The following CLASP1 variants were observed in gnomAD, a reference collection of about 807,000 sequenced individuals.
The protein encoded by CLASP1 is cytoplasmic linker associated protein 1.
Under a neutral mutation model 192.3 loss-of-function variants are expected in CLASP1, and 38 were observed. That is an observed-to-expected ratio of 0.20 (90% CI 0.15 to 0.26). The LOEUF (loss-of-function observed/expected upper bound fraction) is 0.26. Ranked by LOEUF, CLASP1 falls within the 10% of genes least tolerant of loss-of-function variation. CLASP1 has a pLI of 1.00. For synonymous variants in CLASP1, 691 were observed against 712.8 expected (o/e 0.97, Z 0.49); for missense variants, 1,433 against 1,932.5 (o/e 0.74, Z 4.85).
At chr2:121,453,823 C>T (rs980891579) in intron 14 of CLASP1, among the ~76,000 whole-genome samples, 2 of 152,180 alleles carry the variant, frequency 1.3e-5, no homozygotes, top group African/African-American at 2.4e-5. Context: ...ACCAATTCTA[C>T]GAAGCGAAGC....
At chr2:121,367,871 T>A (rs747654599) in intron 34 of CLASP1, 40 bp from the exon 36 acceptor site, 168 of 1,599,976 alleles carry the variant, frequency 1.1e-4, no homozygotes, top group Admixed American at 1.5e-4. Flanking sequence ...CTGGGACTTG[T>A]AATGGACATT....
intron 2 of CLASP1, among the ~76,000 whole-genome samples, chr2:121,560,006 T>G (rs191270138): frequency 3.3e-5 from 5 of 152,286 alleles, no homozygotes; most frequent in Admixed American, 2.6e-4. Flanking sequence ...AACCTGTAGT[T>G]TGATTAATAG....
intron 9 of CLASP1, 33 bp downstream of exon 9, chr2:121,469,775 G>C (rs768203907): frequency 1.3e-6 from 2 of 1,576,296 alleles, no homozygotes; most frequent in African/African-American, 2.7e-5. Flanking sequence ...TGGCATAGCT[G>C]ACCCCAGAAC....
chr2:121,595,818 T>G (rs2063068979), intron 2 of CLASP1, among the ~76,000 whole-genome samples: 1 of 152,234 alleles, frequency 6.6e-6, no homozygotes, highest in African/African-American at 2.4e-5. Context: ...TTAACTTTCC[T>G]CAGATTTTAT....
At chr2:121,359,546 T>C (rs1236497803) in intron 37 of CLASP1, among the ~76,000 whole-genome samples, 1 of 152,188 alleles carries the variant, frequency 6.6e-6, no homozygotes, top group Non-Finnish European at 1.5e-5. Flanking sequence ...GGAGTTCTCT[T>C]GGAAACAGAA....
At chr2:121,517,007 G>A (rs543805258) in intron 6 of CLASP1, among the ~76,000 whole-genome samples, 3 of 152,176 alleles carry the variant, frequency 2.0e-5, no homozygotes, top group Non-Finnish European at 4.4e-5. Flanking sequence ...CTGGGCAACA[G>A]AGCAAGACTC....
At chr2:121,558,641 G>A (rs148980592) in intron 2 of CLASP1, among the ~76,000 whole-genome samples, 178 of 152,296 alleles carry the variant, frequency 1.2e-3, no homozygotes, top group Non-Finnish European at 2.3e-3. Flanking sequence ...CCAGCTAGAA[G>A]GCTCTCACCA....
intron 7 of CLASP1, 95 bp from the exon 8 acceptor site, chr2:121,503,329 T>A: frequency 1.4e-6 from 1 of 723,344 alleles, no homozygotes; most frequent in South Asian, 1.7e-5. Context: ...CCACTCCCCA[T>A]CAAAAAAAAC....
At chr2:121,462,287 T>C (rs1337817276) in intron 10 of CLASP1, among the ~76,000 whole-genome samples, 1 of 152,182 alleles carries the variant, frequency 6.6e-6, no homozygotes, top group Admixed American at 6.5e-5. Context: ...TCTTTCTCTT[T>C]TATGTGACCT....
intron 14 of CLASP1, among the ~76,000 whole-genome samples, chr2:121,452,556 C>G (rs1428462479): frequency 6.6e-6 from 1 of 152,148 alleles, no homozygotes; most frequent in African/African-American, 2.4e-5. Context: ...TTTAGGAGGC[C>G]AAGGCGGGCG....
intron 32 of CLASP1, among the ~76,000 whole-genome samples, chr2:121,386,647 C>T (rs1449133022): frequency 6.6e-6 from 1 of 152,232 alleles, no homozygotes; most frequent in African/African-American, 2.4e-5. Flanking sequence ...TTCTAAATCA[C>T]AGTCCTTCAG....
chr2:121,406,918 T>C (rs886513683), intron 25 of CLASP1, among the ~76,000 whole-genome samples: 55 of 152,112 alleles, frequency 3.6e-4, no homozygotes, highest in African/African-American at 1.2e-3. Context: ...TAATAAATTA[T>C]AGAATACTTG....
chr2:121,558,012 T>C (rs1575971902), intron 2 of CLASP1, among the ~76,000 whole-genome samples: 2 of 141,102 alleles, frequency 1.4e-5, no homozygotes, highest in South Asian at 4.4e-4. Flanking sequence ...CCCAGGAGGC[T>C]GAGGTTGCAG....
At chr2:121,426,123 C>T (rs1173199015) in intron 21 of CLASP1, among the ~76,000 whole-genome samples, 1 of 151,766 alleles carries the variant, frequency 6.6e-6, no homozygotes, top group Admixed American at 6.6e-5. Flanking sequence ...TCAGACCTGG[C>T]AACAGAGCAA....
intron 19 of CLASP1, among the ~76,000 whole-genome samples, chr2:121,437,176 C>T (rs2082449418): frequency 6.6e-6 from 1 of 151,928 alleles, no homozygotes; most frequent in Admixed American, 6.6e-5. Flanking sequence ...ACTATATTGC[C>T]CAGGCTTAAC....
intron 2 of CLASP1, among the ~76,000 whole-genome samples, chr2:121,590,708 A>G (rs895578069): frequency 6.6e-6 from 1 of 152,208 alleles, no homozygotes; most frequent in Non-Finnish European, 1.5e-5. Flanking sequence ...TGCAAAAATC[A>G]TCTAAGCAGC....
rs368616064 is a variant in CLASP1, at chr2:121,344,034, G to A, written c.4530+3004C>T. ...TGCAGTGAGCCAAGATCACGTCACC[G>A]CACTTCAGCCTGGGTGACAGAGTGA... On this transcript the variant is annotated intron_variant, in intron 39 of 39. Transcript: ENST00000263710. 6.6e-5 allele frequency among the ~76,000 whole-genome samples: 10 copies of A among 152,052 alleles called. 1 individual carries two copies. Among genetic ancestry groups the A allele is most frequent in the African/African-American group, 9.6e-5 (4 of 41,458 alleles).
intron 19 of CLASP1, among the ~76,000 whole-genome samples, chr2:121,430,497 C>G (rs922874805): frequency 3.9e-5 from 6 of 152,244 alleles, no homozygotes; most frequent in African/African-American, 1.4e-4. Flanking sequence ...CATTTGAGGA[C>G]ATTTCCCATA....
chr2:121,352,712 TA>T (rs371714948), intron 37 of CLASP1, among the ~76,000 whole-genome samples: 2 of 152,228 alleles, frequency 1.3e-5, no homozygotes, highest in South Asian at 2.1e-4. Context: ...TGGAGTGCAA[TA>T]GAGTCATCTG....
Sources: gnomAD v4.1 joint callset for allele counts (sites outside exome capture counted in the v4.1 genomes callset) on GRCh38, gnomAD v4.1.1 for gene constraint, MANE v1.5 for transcripts, NCBI Gene and HGNC (gene_info 2026-07-23, HGNC 2026-07-21) for gene names.